ACTN2: variants seen among roughly 807,000 people sequenced by gnomAD.
ACTN2 encodes actinin alpha 2.
ACTN2 carries 39 observed loss-of-function variants against 113.8 expected under a neutral mutation model. The observed-to-expected ratio is 0.34, with a 90% CI of 0.27 to 0.45. The LOEUF (loss-of-function observed/expected upper bound fraction) is 0.45, where lower values mean the gene tolerates loss of function less well. Among genes scored for constraint, ACTN2 ranks in the 20% least tolerant of loss-of-function variants. The pLI, the probability that ACTN2 is intolerant of heterozygous loss-of-function variation, is 1.00. For synonymous variants in ACTN2, 429 were observed against 444.1 expected (o/e 0.97, Z 0.43); for missense variants, 992 against 1,177.9 (o/e 0.84, Z 2.31).
At chr1:236,717,562 G>T (rs1420401427) in intron 1 of ACTN2, among the ~76,000 whole-genome samples, 1 of 152,214 alleles carries the variant, frequency 6.6e-6, no homozygotes, top group East Asian at 1.9e-4. Flanking sequence ...AAAGTAAAAG[G>T]GTTTCAAAAG....
At chr1:236,734,466 C>T in intron 7 of ACTN2, 1 of 1,535,804 alleles carries the variant, frequency 6.5e-7, no homozygotes, top group Non-Finnish European at 8.7e-7. Flanking sequence ...GATGAAAGAG[C>T]CATAATGACT....
chr1:236,758,868 G>A, intron 18 of ACTN2, among the ~76,000 whole-genome samples: 1 of 152,036 alleles, frequency 6.6e-6, no homozygotes, highest in East Asian at 1.9e-4. Flanking sequence ...TGATCCATCT[G>A]CCTCAGCCTC....
At chr1:236,693,177 GCACACACACACACACACACA>G (rs35891713) in intron 1 of ACTN2, among the ~76,000 whole-genome samples, 13 of 149,034 alleles carry the variant, frequency 8.7e-5, no homozygotes, top group African/African-American at 2.5e-4. Context: ...CTGCACACAT[GCACACACACACACACACACA>G]CACACACACA....
intron 20 of ACTN2, 101 bp downstream of exon 20, chr1:236,761,274 T>G: frequency 2.2e-6 from 3 of 1,395,188 alleles, no homozygotes; most frequent in Middle Eastern, 3.5e-4. Context: ...TTTATGCCGG[T>G]GTATTTTGTA....
At position 236,717,948 on chromosome 1, in the gene ACTN2, A is replaced by G. The variant is rs1372576094; in HGVS notation, c.217A>G (p.Met73Val). Residue 73 changes from methionine (M) to valine (V), a missense_variant, in exon 2 of 21, where the codon ATG becomes GTG. Met to Val is a conservative substitution (Grantham distance 21, BLOSUM62 1). Coordinates refer to ENST00000366578, the MANE Select transcript of ACTN2 (RefSeq NM_001103.4). The stretch of plus-strand genomic sequence containing the variant: ...AGACTTCAGGAATGGCCTTAAGCTC[A>G]TGCTGCTTTTGGAAGTCATCTCAGG... ...EEDFRNGLKL[M>V]LLLEVISGER... 1 of 1,594,484 alleles carries G rather than the reference A, an allele frequency of 6.3e-7. No homozygotes were observed. The highest frequency in any genetic ancestry group is 8.6e-7 in the Non-Finnish European group (1 of 1,162,556).
chr1:236,746,836 C>T (rs1470194905), intron 12 of ACTN2, among the ~76,000 whole-genome samples: 1 of 152,152 alleles, frequency 6.6e-6, no homozygotes, highest in African/African-American at 2.4e-5. Flanking sequence ...ACTCTAGTGG[C>T]ATTAGATGAG....
At chr1:236,707,040 A>ACC (rs1657845925) in intron 1 of ACTN2, among the ~76,000 whole-genome samples, 1 of 152,226 alleles carries the variant, frequency 6.6e-6, no homozygotes, top group Non-Finnish European at 1.5e-5. Context: ...ACAAGAGTTA[A>ACC]TTTTAAGGCT....
chr1:236,737,297 G>GT, intron 9 of ACTN2, 83 bp downstream of exon 9: 1 of 318,556 alleles, frequency 3.1e-6, no homozygotes, highest in African/African-American at 2.8e-5. Flanking sequence ...CTCCGTGGGG[G>GT]CATATATATA....
chr1:236,693,051 A>G (rs1657322937), intron 1 of ACTN2, among the ~76,000 whole-genome samples: 1 of 152,032 alleles, frequency 6.6e-6, no homozygotes, highest in African/African-American at 2.4e-5. Flanking sequence ...GAAAGCAGAG[A>G]TTGGGGGAGA....
At chr1:236,719,750 G>T (rs1438618943) in intron 3 of ACTN2, among the ~76,000 whole-genome samples, 2 of 151,820 alleles carry the variant, frequency 1.3e-5, no homozygotes, top group African/African-American at 4.8e-5. Context: ...AGTGAGCCAC[G>T]GTTGTGTCAC....
chr1:236,686,871 C>G, intron 1 of ACTN2, 72 bp downstream of exon 1: 1 of 1,299,580 alleles, frequency 7.7e-7, no homozygotes, highest in Non-Finnish European at 9.8e-7. Context: ...TGCGCGTGGC[C>G]GCGTGGCCTG....
intron 9 of ACTN2, 103 bp downstream of exon 9, chr1:236,737,317 A>ATATATATATATATATATATATATT: frequency 6.9e-6 from 2 of 288,956 alleles, no homozygotes; most frequent in Non-Finnish European, 7.1e-6. Flanking sequence ...ATATATATAT[A>ATATATATATATATATATATATATT]TTTTGCATTT....
rs147624786 is a variant in ACTN2, at chr1:236,696,073, G to A, written c.126+9274G>A. 5.9e-5 allele frequency among the ~76,000 whole-genome samples: 9 copies of A among 152,240 alleles called. No homozygotes were observed. The East Asian group carries it at 1.7e-3, about 29-fold the overall frequency. ...TGTAATCCCAGCACTTTGGGAGGCC[G>A]AGGCAGGCAGATCACATCAGGTCAG... is the stretch of plus-strand genomic sequence containing the variant. On this transcript the variant is annotated intron_variant, in intron 1 of 20. Transcript: ENST00000366578.
At chr1:236,738,791 G>A (rs1048045828) in intron 9 of ACTN2, among the ~76,000 whole-genome samples, 11 of 152,160 alleles carry the variant, frequency 7.2e-5, no homozygotes, top group African/African-American at 1.9e-4. Context: ...AAAGCTAGAC[G>A]TCAAAATACA....
intron 12 of ACTN2, among the ~76,000 whole-genome samples, chr1:236,746,206 G>A (rs888727254): frequency 2.0e-5 from 3 of 148,536 alleles, no homozygotes; most frequent in Admixed American, 6.7e-5. Context: ...AAAAGAAAAC[G>A]AACTTAAGCT....
chr1:236,709,255 T>TATATAC (rs796606511), intron 1 of ACTN2, among the ~76,000 whole-genome samples: 71 of 68,872 alleles, frequency 1.0e-3, no homozygotes, highest in East Asian at 3.8e-3. Flanking sequence ...TATATATATA[T>TATATAC]ACACACACAC....
At position 236,710,039 on chromosome 1, in the gene ACTN2, A is replaced by G; in HGVS notation, c.127-7819A>G. ...AGCCCAGGCTTAGAACCGTATTGCTAAAAGAATTAATAATTCACTGATAAG... is the reference window on the plus strand; with the variant it reads ...AGCCCAGGCTTAGAACCGTATTGCTGAAAGAATTAATAATTCACTGATAAG... On this transcript the variant is annotated intron_variant, in intron 1 of 20. Coordinates refer to ENST00000366578, the MANE Select transcript of ACTN2 (RefSeq NM_001103.4). 1.3e-5 allele frequency among the ~76,000 whole-genome samples: 2 copies of G among 152,248 alleles called. 1 individual carries two copies. Among genetic ancestry groups the G allele is most frequent in the Non-Finnish European group, 2.9e-5 (2 of 68,042 alleles).
intron 9 of ACTN2, 89 bp downstream of exon 9, chr1:236,737,303 A>ATATATATATATT: frequency 3.5e-6 from 1 of 282,136 alleles, no homozygotes; most frequent in Non-Finnish European, 7.3e-6. Flanking sequence ...GGGGGCATAT[A>ATATATATATATT]TATATATATA....
At chr1:236,728,073 T>C (rs1658605781) in intron 6 of ACTN2, among the ~76,000 whole-genome samples, 1 of 152,206 alleles carries the variant, frequency 6.6e-6, no homozygotes, top group Non-Finnish European at 1.5e-5. Context: ...AGATTTTACA[T>C]TCCTGGATTC....
Sources: gnomAD v4.1 joint callset for allele counts (sites outside exome capture counted in the v4.1 genomes callset) on GRCh38, gnomAD v4.1.1 for gene constraint, MANE v1.5 for transcripts, NCBI Gene and HGNC (gene_info 2026-07-23, HGNC 2026-07-21) for gene names.